PHACTR1: variants seen among roughly 807,000 people sequenced by gnomAD.
PHACTR1 encodes the protein RPEL repeat containing 1.
PHACTR1 carries 16 observed loss-of-function variants against 69.2 expected under a neutral mutation model. The observed-to-expected ratio is 0.23, with a 90% CI of 0.16 to 0.35. The LOEUF is 0.35. Ranked by LOEUF, PHACTR1 falls within the 10% of genes least tolerant of loss-of-function variation. PHACTR1 has a pLI of 1.00. For synonymous variants in PHACTR1, 312 were observed against 284.5 expected (o/e 1.10, Z -0.97); for missense variants, 510 against 734.7 (o/e 0.69, Z 3.54).
At chr6:13,003,209 A>G (rs1018519522) in intron 4 of PHACTR1, among the ~76,000 whole-genome samples, 18 of 152,328 alleles carry the variant, frequency 1.2e-4, no homozygotes, top group African/African-American at 4.3e-4. Flanking sequence ...ATTTCTGTGC[A>G]TTAGACTTGG....
At chr6:13,068,391 A>C (rs1197140217) in intron 5 of PHACTR1, among the ~76,000 whole-genome samples, 1 of 152,204 alleles carries the variant, frequency 6.6e-6, no homozygotes, top group African/African-American at 2.4e-5. Flanking sequence ...ACTGATGGGA[A>C]GCTCTTAGAA....
chr6:12,730,851 G>A lies in PHACTR1; in HGVS notation c.103+12004G>A, dbSNP rs549662055. On this transcript the variant is annotated intron_variant, in intron 3 of 14. Coordinates refer to ENST00000332995, the MANE Select transcript of PHACTR1 (RefSeq NM_030948.6). ...TCCCACTTATAAGTGAGAACATTTG[G>A]TATTTGTTGCTGCATTAGTTTGGTA... Among the ~76,000 whole-genome samples the A allele has an allele frequency of 7.2e-5, 11 of 152,158 alleles. No homozygotes were observed. The South Asian group carries it at 2.3e-3, about 32-fold the overall frequency.
intron 3 of PHACTR1, among the ~76,000 whole-genome samples, chr6:12,720,253 G>A (rs996487197): frequency 1.3e-5 from 2 of 152,184 alleles, no homozygotes; most frequent in South Asian, 2.1e-4. Context: ...CCATTCGACT[G>A]GAATGAGACA....
rs1793549721 is a variant in PHACTR1, at chr6:12,966,724, G to GA, written c.251-86635dup. ...GGGTGGTTAAAATGATTTGGTAGCTGAAAAAATTGGACATTTTATTTGTGT... is the reference window on the plus strand; with the variant it reads ...GGGTGGTTAAAATGATTTGGTAGCTGAAAAAAATTGGACATTTTATTTGTGT... On this transcript the variant is annotated intron_variant, in intron 4 of 14. Coordinates refer to ENST00000332995, the MANE Select transcript of PHACTR1 (RefSeq NM_030948.6). 2.6e-5 allele frequency among the ~76,000 whole-genome samples: 4 copies of GA among 152,162 alleles called. No individual in the cohort carries two copies. The South Asian group carries it at 8.3e-4, about 32-fold the overall frequency.
At chr6:13,207,966 GT>G (rs1242576511) in intron 8 of PHACTR1, among the ~76,000 whole-genome samples, 32 of 152,242 alleles carry the variant, frequency 2.1e-4, no homozygotes, top group South Asian at 4.1e-4. Flanking sequence ...TCACTGGGAG[GT>G]TGCTGTGTCT....
At chr6:12,922,926 G>A (rs962450052) in intron 4 of PHACTR1, among the ~76,000 whole-genome samples, 1 of 152,120 alleles carries the variant, frequency 6.6e-6, no homozygotes, top group Non-Finnish European at 1.5e-5. Context: ...CTAGAACTCT[G>A]CATCAGACCC....
chr6:13,144,908 T>C (rs2113380827), intron 5 of PHACTR1, among the ~76,000 whole-genome samples: 1 of 152,106 alleles, frequency 6.6e-6, no homozygotes, highest in Admixed American at 6.5e-5. Flanking sequence ...TAGAACAATG[T>C]AGTACAGGTG....
chr6:13,108,652 A>C (rs1816544245), intron 5 of PHACTR1, among the ~76,000 whole-genome samples: 1 of 152,062 alleles, frequency 6.6e-6, no homozygotes, highest in Non-Finnish European at 1.5e-5. Flanking sequence ...ATTTTATCTG[A>C]CATTAATATA....
intron 9 of PHACTR1, among the ~76,000 whole-genome samples, chr6:13,229,502 C>G (rs1257767275): frequency 6.6e-6 from 1 of 152,178 alleles, no homozygotes; most frequent in Non-Finnish European, 1.5e-5. Context: ...CCCCAACCAG[C>G]CCCACTTTGT....
At chr6:12,788,214 G>T (rs1035189845) in intron 4 of PHACTR1, among the ~76,000 whole-genome samples, 1 of 149,114 alleles carries the variant, frequency 6.7e-6, no homozygotes, top group African/African-American at 2.5e-5. Flanking sequence ...ACAGACCCAC[G>T]CTTCCCTCCC....
chr6:13,072,921 A>G (rs1809760580), intron 5 of PHACTR1, among the ~76,000 whole-genome samples: 1 of 152,172 alleles, frequency 6.6e-6, no homozygotes, highest in Non-Finnish European at 1.5e-5. Flanking sequence ...GTGGTTAGTG[A>G]GGAATCAAGT....
At chr6:12,835,325 A>G (rs534654737) in intron 4 of PHACTR1, among the ~76,000 whole-genome samples, 39 of 152,054 alleles carry the variant, frequency 2.6e-4, no homozygotes, top group Middle Eastern at 3.4e-3. Context: ...AGGCTTGGGG[A>G]GCAGCTGTGG....
intron 5 of PHACTR1, among the ~76,000 whole-genome samples, chr6:13,056,426 T>TAA (rs1290645609): frequency 6.6e-6 from 1 of 152,202 alleles, no homozygotes; most frequent in East Asian, 1.9e-4. Context: ...AACTTTTCCA[T>TAA]GTGTGTATAA....
chr6:13,228,086 C>G (rs1770112188), intron 9 of PHACTR1, 23 bp downstream of exon 9: 2 of 1,598,550 alleles, frequency 1.3e-6, no homozygotes, highest in Non-Finnish European at 1.7e-6. Flanking sequence ...TAACTCATCA[C>G]CAGGGGTGGG....
intron 5 of PHACTR1, among the ~76,000 whole-genome samples, chr6:13,108,744 AT>A (rs1816559263): frequency 6.6e-6 from 1 of 151,886 alleles, no homozygotes; most frequent in Non-Finnish European, 1.5e-5. Context: ...GTGTCTTTAC[AT>A]TTAAATTATG....
chr6:13,099,594 G>A (rs1479082559), intron 5 of PHACTR1, among the ~76,000 whole-genome samples: 1 of 152,168 alleles, frequency 6.6e-6, no homozygotes, highest in East Asian at 1.9e-4. Flanking sequence ...GGGTGTGGAT[G>A]TGGATGTGGG....
chr6:13,221,655 C>T (rs1340919781), intron 8 of PHACTR1, among the ~76,000 whole-genome samples: 1 of 152,204 alleles, frequency 6.6e-6, no homozygotes, highest in Non-Finnish European at 1.5e-5. Context: ...TCTTAGGATC[C>T]TTGTGAGGCT....
chr6:12,833,017 A>G (rs1483653297), intron 4 of PHACTR1, among the ~76,000 whole-genome samples: 2 of 152,138 alleles, frequency 1.3e-5, no homozygotes, highest in East Asian at 3.8e-4. Flanking sequence ...TGAGGTAGAT[A>G]GAATATGAGG....
At position 13,283,628 on chromosome 6, in the gene PHACTR1, G is replaced by C. The variant is rs764296741; in HGVS notation, c.1650+66G>C. 1.2e-6 allele frequency: 2 copies of C among 1,608,158 alleles called. No homozygotes were observed. Among genetic ancestry groups the C allele is most frequent in the East Asian group, 4.5e-5 (2 of 44,844 alleles). On this transcript the variant is annotated intron_variant, in intron 13 of 14. Transcript: ENST00000332995. The surrounding 1 kb of genome is among the most constrained non-coding windows in gnomAD (Gnocchi z 4.7). ...TCTGCTGGGTCTCGCTGGGCTCACCGCTGGGGAGCGTGTAGGGAGACCTGC... is the reference window on the plus strand; with the variant it reads ...TCTGCTGGGTCTCGCTGGGCTCACCCCTGGGGAGCGTGTAGGGAGACCTGC...
Sources: allele counts gnomAD v4.1 joint callset (sites outside exome capture counted in the v4.1 genomes callset), GRCh38; gene constraint gnomAD v4.1.1; non-coding constraint Gnocchi (gnomAD v3.1); transcripts MANE v1.5; gene names NCBI Gene and HGNC (gene_info 2026-07-23, HGNC 2026-07-21).